TAF1: variants seen among roughly 807,000 people sequenced by gnomAD.
TAF1 encodes TATA-box binding protein associated factor 1.
A neutral mutation model predicts 138.5 loss-of-function variants in TAF1; 2 were observed. The observed-to-expected ratio is 0.01, with a 90% CI of 0.01 to 0.05. TAF1 has a LOEUF of 0.05. Ranked by LOEUF, TAF1 falls within the 10% of genes least tolerant of loss-of-function variation. TAF1 has a pLI of 1.00. For synonymous variants in TAF1, 437 were observed against 503.2 expected, an observed-to-expected ratio of 0.87 and a Z score of 1.76; for missense variants, 709 against 1,478.0, an observed-to-expected ratio of 0.48 and a Z score of 8.53.
intron 29 of TAF1, 43 bp downstream of exon 29, chrX:71,421,419 TG>T: frequency 8.2e-6 from 3 of 364,287 alleles, no homozygotes; most frequent in East Asian, 6.7e-5. Context: ...AATTTGAAGG[TG>T]GGGGTGGGAT....
intron 27 of TAF1, 94 bp from the exon 28 acceptor site, chrX:71,407,880 G>A: frequency 9.2e-7 from 1 of 1,089,839 alleles, no homozygotes; most frequent in South Asian, 2.2e-5. Context: ...TTTCAGTGTT[G>A]ATAGCCAGGT....
chrX:71,377,753 C>G lies in TAF1; in HGVS notation c.865C>G (p.Gln289Glu). 8.3e-7 allele frequency: 1 copy of G among 1,211,611 alleles called. No homozygotes were observed. Among genetic ancestry groups the G allele is most frequent in the African/African-American group, 1.7e-5 (1 of 57,775 alleles). ...VECSVESEVS[Q>E]KSLWNYDYAP... Reference sequence around the variant, plus strand: ...GTGCTCAGTAGAATCAGAAGTCAGCCAGAAGTCTTTGTGGAACTACGACTA... The same window carrying G: ...GTGCTCAGTAGAATCAGAAGTCAGCGAGAAGTCTTTGTGGAACTACGACTA... Residue 289 changes from glutamine (Q) to glutamate (E), a missense_variant, in exon 6 of 38, where the codon CAG becomes GAG. Gln to Glu is a conservative substitution (Grantham distance 29). Coordinates refer to ENST00000423759, the MANE Select transcript of TAF1 (RefSeq NM_004606.5).
intron 28 of TAF1, among the ~76,000 whole-genome samples, chrX:71,417,456 C>G (rs773372770): frequency 1.8e-5 from 2 of 110,628 alleles, no homozygotes; most frequent in African/African-American, 6.6e-5. Flanking sequence ...TCCCTGGGCT[C>G]GATGATTCTC....
At chrX:71,379,810 CAG>C (rs1219890435) in intron 8 of TAF1, among the ~76,000 whole-genome samples, 2 of 109,915 alleles carry the variant, frequency 1.8e-5, no homozygotes, top group African/African-American at 6.6e-5. Flanking sequence ...CCATGTTGGT[CAG>C]GCTGGTCTCG....
chrX:71,402,201 G>C (rs2035212197), intron 25 of TAF1, among the ~76,000 whole-genome samples: 1 of 111,809 alleles, frequency 8.9e-6, no homozygotes, highest in Non-Finnish European at 1.9e-5. Context: ...TCTGCCTCCT[G>C]GGTTCAAGCG....
chrX:71,504,510 T>C (rs1292558612), intron 13 of TAF1, among the ~76,000 whole-genome samples: 1 of 109,071 alleles, frequency 9.2e-6, no homozygotes, highest in African/African-American at 3.3e-5. Flanking sequence ...CCATGTGCCA[T>C]GGTAGTCAAG....
chrX:71,494,256 C>T (rs1327264752), intron 13 of TAF1, among the ~76,000 whole-genome samples: 1 of 110,480 alleles, frequency 9.1e-6, no homozygotes, highest in Non-Finnish European at 1.9e-5. Context: ...AACCCCATCT[C>T]TACTAAAATA....
intron 34 of TAF1, among the ~76,000 whole-genome samples, chrX:71,457,367 A>C (rs1295550040): frequency 3.6e-5 from 4 of 112,512 alleles, no homozygotes; most frequent in African/African-American, 1.3e-4. Flanking sequence ...GAATATTTTT[A>C]TTTCTTTCAT....
chrX:71,398,734 A>G lies in TAF1; in HGVS notation c.3783A>G (p.Leu1261=). 1 of 1,199,917 alleles carries G rather than the reference A, an allele frequency of 8.3e-7. No individual in the cohort carries two copies. Among genetic ancestry groups the G allele is most frequent in the Non-Finnish European group, 1.1e-6 (1 of 891,659 alleles). Residue 1261 remains leucine (L), a synonymous_variant, in exon 24 of 38, where the codon CTA becomes CTG. Coordinates refer to ENST00000423759, the MANE Select transcript of TAF1 (RefSeq NM_004606.5). ...AGAAAATGAAGGAGCGTCCTGACCT[A>G]AAAGTAAGTATAATGTGGTGTGATT... The part of the protein sequence containing the change: ...KPKKMKERPD[L]KLKCGACGAI...
intron 32 of TAF1, among the ~76,000 whole-genome samples, chrX:71,429,739 C>T (rs1380959358): frequency 3.6e-5 from 4 of 110,738 alleles, no homozygotes; most frequent in African/African-American, 1.3e-4. Flanking sequence ...ATACTGACGG[C>T]CTGAACTAAG....
Position 71,387,439 on chromosome X carries a change from C to T in TAF1, c.2405C>T (p.Thr802Met), listed in dbSNP as rs1258. Residue 802 changes from threonine to methionine, a missense_variant, in exon 15 of 38, where the codon ACG (threonine) becomes ATG (methionine). Around this residue, in one of 14 missense-constraint regions of TAF1, gnomAD observed 201 missense variants for 421.3 expected, o/e 0.48. Transcript: ENST00000423759. The part of the protein sequence containing the change: ...VPGPNSKRAN[T>M]HIRDFLQVFI... The stretch of plus-strand genomic sequence containing the variant: ...GGGCCTAACTCCAAAAGGGCCAATA[C>T]GCATATTCGAGACTTTCTACAGGTA... 4.6e-5 allele frequency: 56 copies of T among 1,209,907 alleles called. No homozygotes were observed. The highest frequency in any genetic ancestry group is 2.2e-4 in the Admixed American group (10 of 45,690).
chrX:71,468,578 C>G (rs963269599), downstream of TAF1, among the ~76,000 whole-genome samples: 30 of 106,233 alleles, frequency 2.8e-4, no homozygotes, highest in Non-Finnish European at 5.0e-4. Context: ...CCCAGCTACT[C>G]AGGAGGCTGA....
intron 28 of TAF1, among the ~76,000 whole-genome samples, chrX:71,417,335 A>G (rs2036069258): frequency 1.8e-5 from 2 of 109,927 alleles, no homozygotes; most frequent in Admixed American, 2.0e-4. Context: ...TGGACTGTTC[A>G]GCCTCCATAA....
At chrX:71,456,810 G>T (rs1211198815) in intron 34 of TAF1, among the ~76,000 whole-genome samples, 1 of 107,512 alleles carries the variant, frequency 9.3e-6, no homozygotes, top group Non-Finnish European at 1.9e-5. Context: ...CGAGTAGCTG[G>T]TTTTACAGGC....
At chrX:71,368,027 T>C in intron 2 of TAF1, 27 bp from the exon 3 acceptor site, 1 of 1,191,933 alleles carries the variant, frequency 8.4e-7, no homozygotes, top group Non-Finnish European at 1.1e-6. Context: ...CTTACTGTTG[T>C]TGCGATTCTC....
intron 23 of TAF1, among the ~76,000 whole-genome samples, chrX:71,397,798 G>A (rs1451270997): frequency 6.3e-5 from 7 of 111,027 alleles, no homozygotes; most frequent in Non-Finnish European, 1.1e-4. Context: ...CACCACTTTC[G>A]AGTGTGATAG....
chrX:71,392,471 A>C (rs779895379), intron 18 of TAF1, 98 bp from the exon 19 acceptor site: 2 of 1,006,803 alleles, frequency 2.0e-6, no homozygotes, highest in East Asian at 3.4e-5. Flanking sequence ...GAAAAAAAGA[A>C]CATGAAAATA....
chrX:71,448,769 T>C (rs766515463), intron 32 of TAF1, among the ~76,000 whole-genome samples: 1 of 111,285 alleles, frequency 9.0e-6, no homozygotes, highest in South Asian at 3.7e-4. Flanking sequence ...TTTTAAATAT[T>C]CTAGAGGTAT....
intron 14 of TAF1, chrX:71,528,810 C>G (rs2040048007): frequency 1.1e-5 from 3 of 265,271 alleles, no homozygotes; most frequent in Non-Finnish European, 2.1e-5. Flanking sequence ...AAGAACAAAG[C>G]TTCCATAGCG....
Sources: gnomAD v4.1 joint callset for allele counts (sites outside exome capture counted in the v4.1 genomes callset) on GRCh38, gnomAD v4.1.1 for gene constraint, gnomAD v4.1.1 regional missense constraint, MANE v1.5 for transcripts, NCBI Gene and HGNC (gene_info 2026-07-23, HGNC 2026-07-21) for gene names.